COA1: variants seen among roughly 807,000 people sequenced by gnomAD.
COA1 encodes cytochrome c oxidase assembly factor 1, also known as cytochrome c oxidase assembly factor 1 homolog.
A neutral mutation model predicts 16.0 loss-of-function variants in COA1; 13 were observed. That is an observed-to-expected ratio of 0.81 (90% CI 0.53 to 1.29). COA1 has a LOEUF of 1.29. Ranked by LOEUF, COA1 falls within the 50% of genes most tolerant of loss-of-function variation. The probability of loss-of-function intolerance (pLI) is 0.00; values close to 1 mark genes in which losing one functional copy is unlikely to be tolerated. For synonymous variants in COA1, 65 were observed against 65.7 expected, an observed-to-expected ratio of 0.99 and a Z score of 0.05; for missense variants, 179 against 177.0, an observed-to-expected ratio of 1.01 and a Z score of -0.06.
At chr7:43,624,969 CT>C in intron 6 of COA1, 1 of 915,908 alleles carries the variant, frequency 1.1e-6, no homozygotes, top group South Asian at 2.2e-5. Context: ...ACAAAAATAA[CT>C]TTGTCAAATT....
chr7:43,722,434 C>G (rs959253987), intron 1 of COA1, among the ~76,000 whole-genome samples: 6 of 150,300 alleles, frequency 4.0e-5, no homozygotes, highest in Non-Finnish European at 8.9e-5. Flanking sequence ...GAGTCTCGTT[C>G]TATCGCCCAG....
At chr7:43,655,415 C>T (rs2091554376) in intron 1 of COA1, among the ~76,000 whole-genome samples, 1 of 152,166 alleles carries the variant, frequency 6.6e-6, no homozygotes, top group African/African-American at 2.4e-5. Flanking sequence ...CTTTGGGAGG[C>T]CGAGGCAGGC....
At chr7:43,684,642 G>C (rs541480854) in intron 1 of COA1, among the ~76,000 whole-genome samples, 1 of 152,280 alleles carries the variant, frequency 6.6e-6, no homozygotes, top group East Asian at 1.9e-4. Flanking sequence ...TAAAGAGCAA[G>C]GGGTTGAAAG....
At chr7:43,661,654 A>G (rs2092447251) in intron 1 of COA1, among the ~76,000 whole-genome samples, 2 of 151,222 alleles carry the variant, frequency 1.3e-5, no homozygotes, top group East Asian at 1.9e-4. Flanking sequence ...AAAAAAAGAG[A>G]CATTTCCAGA....
intron 1 of COA1, among the ~76,000 whole-genome samples, chr7:43,716,125 G>A (rs1001541583): frequency 2.0e-5 from 3 of 152,020 alleles, no homozygotes; most frequent in African/African-American, 4.8e-5. Context: ...GCATGAAAAC[G>A]GACTAATAAA....
At chr7:43,675,068 C>CT (rs1425143147) in intron 1 of COA1, among the ~76,000 whole-genome samples, 2 of 152,196 alleles carry the variant, frequency 1.3e-5, no homozygotes, top group African/African-American at 4.8e-5. Context: ...CACAAATACT[C>CT]TGTCAGGCTA....
chr7:43,625,753 C>CAGAGAGCGAG (rs2084445852), intron 6 of COA1: 1 of 149,584 alleles, frequency 6.7e-6, no homozygotes, highest in African/African-American at 2.5e-5. Context: ...TCCCCTAGAG[C>CAGAGAGCGAG]AGAGAGAGAG....
chr7:43,696,129 G>A (rs1057376566), intron 1 of COA1, among the ~76,000 whole-genome samples: 10 of 152,196 alleles, frequency 6.6e-5, no homozygotes, highest in African/African-American at 1.9e-4. Context: ...ATGAGCCACC[G>A]CACCCGGCCA....
intron 6 of COA1, among the ~76,000 whole-genome samples, chr7:43,612,916 C>T (rs180986148): frequency 3.3e-5 from 5 of 152,166 alleles, no homozygotes; most frequent in East Asian, 1.9e-4. Flanking sequence ...AAAACCCATT[C>T]GTTTAATATA....
Position 43,621,367 on chromosome 7 carries a change from G to A in COA1, c.*134-11872C>T, listed in dbSNP as rs577628014. Among the ~76,000 whole-genome samples, 5 of 152,322 alleles carry A rather than the reference G, an allele frequency of 3.3e-5. No individual in the cohort carries two copies. In the South Asian group the frequency reaches 1.0e-3, roughly 32 times the overall value. The stretch of plus-strand genomic sequence containing the variant: ...CCCAAGTGTTTTAGCCAAATTTAAT[G>A]GGTACCATTGTAAGCTCAAATACAC... On this transcript the variant is annotated intron_variant and NMD_transcript_variant, in intron 6 of 6. Coordinates refer to the COA1 transcript ENST00000415076.
downstream of COA1, among the ~76,000 whole-genome samples, chr7:43,638,540 C>T (rs2086291651): frequency 6.7e-6 from 1 of 149,242 alleles, no homozygotes; most frequent in Non-Finnish European, 1.5e-5. Context: ...TTTTTCCTTT[C>T]CTTCCCTTTC....
intron 2 of COA1, 122 bp downstream of exon 2, chr7:43,648,478 A>G: frequency 9.8e-7 from 1 of 1,022,134 alleles, no homozygotes; most frequent in Non-Finnish European, 1.6e-6. Flanking sequence ...TTAAAGCACA[A>G]GTGAACCCTA....
intron 1 of COA1, among the ~76,000 whole-genome samples, chr7:43,693,112 A>G (rs1346960054): frequency 1.3e-5 from 2 of 152,154 alleles, no homozygotes; most frequent in Non-Finnish European, 2.9e-5. Context: ...TCTCCACTGC[A>G]GCCTTATTCA....
intron 1 of COA1, among the ~76,000 whole-genome samples, chr7:43,722,239 C>A (rs2095521424): frequency 6.6e-6 from 1 of 151,962 alleles, no homozygotes; most frequent in African/African-American, 2.4e-5. Context: ...CAAAGGTGTG[C>A]ACCACCATGC....
intron 1 of COA1, among the ~76,000 whole-genome samples, chr7:43,704,240 G>A (rs1183859312): frequency 6.6e-6 from 1 of 152,158 alleles, no homozygotes; most frequent in Admixed American, 6.5e-5. Context: ...CTGCCTTGAA[G>A]ATATTTTCTC....
chr7:43,701,274 T>A (rs1304806021), intron 1 of COA1, among the ~76,000 whole-genome samples: 1 of 152,096 alleles, frequency 6.6e-6, no homozygotes, highest in Non-Finnish European at 1.5e-5. Context: ...CATCCTCAAA[T>A]CCTCCATCAA....
chr7:43,660,113 C>T (rs575008231), intron 1 of COA1, among the ~76,000 whole-genome samples: 1 of 152,278 alleles, frequency 6.6e-6, no homozygotes, highest in East Asian at 1.9e-4. Flanking sequence ...TTAAACCACC[C>T]AGTCTGTGCT....
rs562766657 is a variant in COA1, at chr7:43,648,585, G to A, written c.15+15C>T. On this transcript the variant is annotated intron_variant, in intron 2 of 5. Transcript: ENST00000223336. The stretch of plus-strand genomic sequence containing the variant: ...AGGTTCTAGTGGGGAACTTGGCCCT[G>A]GAACATTCCATTACCTTTTGCCACA... 5 of 1,613,852 alleles carry A rather than the reference G, an allele frequency of 3.1e-6. No individual in the cohort carries two copies. In the Admixed American group the frequency reaches 6.7e-5, roughly 22 times the overall value.
intron 4 of COA1, among the ~76,000 whole-genome samples, chr7:43,644,799 CAG>C (rs10627279): frequency 0.025 from 1,906 of 75,336 alleles, 116 homozygotes; most frequent in Non-Finnish European, 0.028. Context: ...GGCAGAGAGA[CAG>C]AGAGAGAGAG....
Sources: gnomAD v4.1 joint callset for allele counts (sites outside exome capture counted in the v4.1 genomes callset) on GRCh38, gnomAD v4.1.1 for gene constraint, MANE v1.5 for transcripts, NCBI Gene and HGNC (gene_info 2026-07-23, HGNC 2026-07-21) for gene names.